PI4KA: variants seen among roughly 807,000 people sequenced by gnomAD.
PI4KA encodes the protein PI4-kinase alpha.
PI4KA carries 122 observed loss-of-function variants against 271.4 expected under a neutral mutation model. The ratio of observed to expected loss-of-function variants is 0.45; its 90% confidence interval spans 0.39 to 0.52. PI4KA has a LOEUF of 0.52. PI4KA is among the 20% of genes least tolerant of loss of function. The pLI, the probability that PI4KA is intolerant of heterozygous loss-of-function variation, is 0.00. For missense variants in PI4KA, 1,969 were observed against 2,769.1 expected (o/e 0.71, Z 6.48); for synonymous variants, 1,041 against 1,078.8 (o/e 0.96, Z 0.69).
intron 7 of PI4KA, among the ~76,000 whole-genome samples, chr22:20,814,443 A>T (rs1351311105): frequency 5.9e-5 from 9 of 152,192 alleles, no homozygotes; most frequent in Non-Finnish European, 1.3e-4. Context: ...CAATACTACT[A>T]AACTATACAC....
At chr22:20,712,340 C>T in intron 50 of PI4KA, 146 bp downstream of exon 50, 1 of 1,541,856 alleles carries the variant, frequency 6.5e-7, no homozygotes. Context: ...CAGGTGTGAG[C>T]CACCGTGCCC....
intron 23 of PI4KA, among the ~76,000 whole-genome samples, chr22:20,758,693 AT>A (rs1176147873): frequency 6.6e-6 from 1 of 152,106 alleles, no homozygotes; most frequent in Non-Finnish European, 1.5e-5. Flanking sequence ...CATCTCTCTT[AT>A]AGCCCCAACT....
At position 20,802,573 on chromosome 22, in the gene PI4KA, T is replaced by C. The variant is rs1304182841; in HGVS notation, c.1592-468A>G. Among the ~76,000 whole-genome samples, 4 of 152,188 alleles carry C rather than the reference T, an allele frequency of 2.6e-5. No homozygotes were observed. The East Asian group carries it at 5.8e-4, about 22-fold the overall frequency. ...GTTTTTGAGATAGGGTCTTGCTCTG[T>C]CACCCAGGCCGGAATGCAGTGGCGC... On this transcript the variant is annotated intron_variant, in intron 13 of 54. Transcript: ENST00000255882.
intron 36 of PI4KA, among the ~76,000 whole-genome samples, chr22:20,730,374 A>C (rs1927878082): frequency 6.6e-6 from 1 of 152,020 alleles, no homozygotes; most frequent in African/African-American, 2.4e-5. Context: ...TCCTGGGTTC[A>C]AGTGATCCTC....
chr22:20,719,422 C>T (rs1009493350), intron 43 of PI4KA, among the ~76,000 whole-genome samples: 30 of 152,002 alleles, frequency 2.0e-4, no homozygotes, highest in Middle Eastern at 3.2e-3. Flanking sequence ...CGCATCACCA[C>T]ATCTGGCTTT....
chr22:20,858,406 C>T (rs1292109069), intron 1 of PI4KA, among the ~76,000 whole-genome samples, 164 bp downstream of exon 1: 1 of 151,984 alleles, frequency 6.6e-6, no homozygotes, highest in Non-Finnish European at 1.5e-5. Flanking sequence ...GCCCCTCCCA[C>T]TAGGGCCTCC....
At chr22:20,779,750 C>A (rs769102912) in intron 19 of PI4KA, 1 of 1,614,236 alleles carries the variant, frequency 6.2e-7, no homozygotes, top group South Asian at 1.1e-5. Flanking sequence ...ACCAGGTCAA[C>A]ACTTTCGATA....
At chr22:20,714,797 G>T in intron 45 of PI4KA, 97 bp from the exon 46 acceptor site, 2 of 1,407,938 alleles carry the variant, frequency 1.4e-6, no homozygotes, top group Non-Finnish European at 1.9e-6. Flanking sequence ...TGTCCACCCT[G>T]CAGGCACACC....
chr22:20,786,892 G>C (rs770881141), intron 19 of PI4KA: 5 of 1,614,148 alleles, frequency 3.1e-6, no homozygotes, highest in Non-Finnish European at 3.4e-6. Context: ...ACCAAGGCAC[G>C]ATCACAGTGA....
chr22:20,825,765 C>T (rs946484652), intron 3 of PI4KA, among the ~76,000 whole-genome samples: 4 of 152,216 alleles, frequency 2.6e-5, no homozygotes, highest in South Asian at 2.1e-4. Flanking sequence ...GGGGTACATA[C>T]GCAGTTTTGT....
intron 47 of PI4KA, among the ~76,000 whole-genome samples, chr22:20,714,050 G>C (rs1455510567): frequency 6.6e-6 from 1 of 152,238 alleles, no homozygotes; most frequent in African/African-American, 2.4e-5. Flanking sequence ...TGCCAGGACT[G>C]CTGGCAACAC....
At chr22:20,737,878 G>A (rs1928926898) in intron 32 of PI4KA, among the ~76,000 whole-genome samples, 1 of 152,138 alleles carries the variant, frequency 6.6e-6, no homozygotes. Context: ...TGATCCACCC[G>A]CCTCGGCCTC....
chr22:20,777,126 C>T (rs1192586442), intron 19 of PI4KA, among the ~76,000 whole-genome samples: 3 of 151,876 alleles, frequency 2.0e-5, no homozygotes. Flanking sequence ...GATCACGGCT[C>T]ACTGCAGACT....
intron 50 of PI4KA, 160 bp from the exon 51 acceptor site, chr22:20,711,621 G>C: frequency 1.3e-6 from 1 of 743,784 alleles, no homozygotes. Flanking sequence ...TCGGTAGCAG[G>C]AGTGACAGGG....
At chr22:20,803,350 C>G (rs770078003) in intron 12 of PI4KA, 30 bp from the exon 13 acceptor site, 1 of 1,613,244 alleles carries the variant, frequency 6.2e-7, no homozygotes, top group Non-Finnish European at 8.5e-7. Flanking sequence ...TGTCACATGG[C>G]CTGTGGTATG....
chr22:20,809,040 T>C (rs928835146), intron 9 of PI4KA, among the ~76,000 whole-genome samples: 1 of 152,084 alleles, frequency 6.6e-6, no homozygotes, highest in Non-Finnish European at 1.5e-5. Flanking sequence ...CAGGAAGAGC[T>C]GTGGTTGACA....
intron 7 of PI4KA, among the ~76,000 whole-genome samples, chr22:20,816,074 G>A (rs924017629): frequency 7.2e-5 from 11 of 151,894 alleles, no homozygotes; most frequent in Non-Finnish European, 1.5e-4. Context: ...TGAGTAGCTG[G>A]GATTATAGGT....
intron 26 of PI4KA, 90 bp from the exon 27 acceptor site, chr22:20,751,466 T>G: frequency 8.5e-7 from 1 of 1,181,250 alleles, no homozygotes; most frequent in Non-Finnish European, 1.2e-6. Context: ...ACCACCTGTC[T>G]GTCTGTGACA....
chr22:20,711,639 G>A (rs539281155), intron 50 of PI4KA, among the ~76,000 whole-genome samples, 178 bp from the exon 51 acceptor site: 1 of 152,278 alleles, frequency 6.6e-6, no homozygotes, highest in Non-Finnish European at 1.5e-5. Flanking sequence ...GGGGCTCTCT[G>A]TGGAAGTGGG....
Sources: allele counts gnomAD v4.1 joint callset (sites outside exome capture counted in the v4.1 genomes callset), GRCh38; gene constraint gnomAD v4.1.1; transcripts MANE v1.5; gene names NCBI Gene and HGNC (gene_info 2026-07-23, HGNC 2026-07-21).